The following NELL1 variants were observed in gnomAD, a reference collection of about 807,000 sequenced individuals.
NELL1 encodes the protein neural EGFL like 1, also known as protein kinase C-binding protein NELL1.
NELL1 carries 76 observed loss-of-function variants against 107.4 expected under a neutral mutation model. The ratio of observed to expected loss-of-function variants is 0.71; its 90% CI spans 0.59 to 0.86. NELL1 has a LOEUF of 0.86. NELL1 is among the 40% of genes least tolerant of loss of function. The pLI, the probability that NELL1 is intolerant of heterozygous loss-of-function variation, is 0.00. For synonymous variants in NELL1, 353 were observed against 341.2 expected, an observed-to-expected ratio of 1.03 and a Z score of -0.38; for missense variants, 1,024 against 1,005.5, an observed-to-expected ratio of 1.02 and a Z score of -0.25.
Position 20,783,676 on chromosome 11 carries a change from C to T in NELL1, c.185-4C>T. ...TTCCTCCTGCTTTTCTTCTTGATTC[C>T]TAGACATAGAAAGAGAGATCCATGC... On this transcript the variant is annotated splice_region_variant and splice_polypyrimidine_tract_variant and intron_variant, in intron 2 of 19. Coordinates refer to ENST00000357134, the MANE Select transcript of NELL1 (RefSeq NM_006157.5). 6.2e-7 allele frequency: 1 copy of T among 1,610,604 alleles called. No homozygotes were observed. The highest frequency in any genetic ancestry group is 8.5e-7 in the Non-Finnish European group (1 of 1,178,176).
At chr11:20,873,250 A>C (rs1267135428) in intron 4 of NELL1, among the ~76,000 whole-genome samples, 3 of 152,080 alleles carry the variant, frequency 2.0e-5, no homozygotes, top group Non-Finnish European at 4.4e-5. Flanking sequence ...ATGTAACCTC[A>C]ATGGCGCCAT....
intron 5 of NELL1, among the ~76,000 whole-genome samples, chr11:20,913,744 T>C (rs1172159944): frequency 1.3e-5 from 2 of 150,622 alleles, no homozygotes; most frequent in African/African-American, 4.9e-5. Context: ...CTCTGCACCT[T>C]AGGGATTTAT....
At chr11:21,393,869 T>C (rs1249812092) in intron 15 of NELL1, among the ~76,000 whole-genome samples, 2 of 151,668 alleles carry the variant, frequency 1.3e-5, no homozygotes, top group Non-Finnish European at 3.0e-5. Flanking sequence ...CAGGTACTTT[T>C]ATATCCTTTT....
At chr11:21,528,149 A>T (rs1855900040) in intron 15 of NELL1, among the ~76,000 whole-genome samples, 1 of 152,216 alleles carries the variant, frequency 6.6e-6, no homozygotes, top group Admixed American at 6.5e-5. Context: ...GGGGATTATA[A>T]GTTACAGAAC....
intron 14 of NELL1, 82 bp from the exon 15 acceptor site, chr11:21,370,771 A>C: frequency 9.6e-7 from 1 of 1,039,928 alleles, no homozygotes; most frequent in Admixed American, 2.1e-5. Flanking sequence ...CAAAGAAAGA[A>C]TTGCTTCAGT....
At chr11:21,447,757 T>G (rs1398341450) in intron 15 of NELL1, among the ~76,000 whole-genome samples, 1 of 152,120 alleles carries the variant, frequency 6.6e-6, no homozygotes, top group Non-Finnish European at 1.5e-5. Flanking sequence ...CTTGGGAGGT[T>G]GCATACCCCC....
Position 21,347,908 on chromosome 11 carries a change from G to A in NELL1, c.1550-22945G>A, listed in dbSNP as rs76850141. 9.0e-3 allele frequency among the ~76,000 whole-genome samples: 1,368 copies of A among 152,186 alleles called. 11 individuals are homozygous for A. Among genetic ancestry groups the A allele is most frequent in the Non-Finnish European group, 0.014 (945 of 68,012 alleles). ...ACCAAATTGTGTCCAGAAAAGGGGCGCATGTCTGATTTGAAGTAAGTAGTT... is the reference window on the plus strand; with the variant it reads ...ACCAAATTGTGTCCAGAAAAGGGGCACATGTCTGATTTGAAGTAAGTAGTT... On this transcript the variant is annotated intron_variant, in intron 14 of 19. Transcript: ENST00000357134.
chr11:20,905,205 GTC>G (rs1324688640), intron 5 of NELL1, among the ~76,000 whole-genome samples: 1 of 151,918 alleles, frequency 6.6e-6, no homozygotes, highest in African/African-American at 2.4e-5. Flanking sequence ...TAGAAATACA[GTC>G]TCTGCAAAAA....
At chr11:21,434,455 A>C (rs536083175) in intron 15 of NELL1, among the ~76,000 whole-genome samples, 8 of 152,044 alleles carry the variant, frequency 5.3e-5, no homozygotes, top group Non-Finnish European at 1.0e-4. Context: ...GGTGCCCTTT[A>C]CCCAATATAT....
At chr11:21,203,980 C>T (rs999688934) in intron 13 of NELL1, among the ~76,000 whole-genome samples, 2 of 152,208 alleles carry the variant, frequency 1.3e-5, no homozygotes, top group Non-Finnish European at 2.9e-5. Context: ...GAGAGATCCA[C>T]AGTTAGTCTG....
chr11:21,516,934 C>A (rs756256688), intron 15 of NELL1, among the ~76,000 whole-genome samples: 1 of 151,754 alleles, frequency 6.6e-6, no homozygotes, highest in Non-Finnish European at 1.5e-5. Flanking sequence ...CCTCCCAGGG[C>A]GCCCACCACC....
intron 12 of NELL1, among the ~76,000 whole-genome samples, chr11:21,101,239 T>C (rs1854802275): frequency 6.6e-6 from 1 of 152,180 alleles, no homozygotes; most frequent in South Asian, 2.1e-4. Context: ...AGTCTATCAT[T>C]GTTGGACATA....
rs1303891041 is a variant in NELL1 at position 20,746,012 on chromosome 11, C to T, written c.185-37668C>T. 2.0e-5 allele frequency among the ~76,000 whole-genome samples: 3 copies of T among 152,080 alleles called. No homozygotes were observed. The East Asian group carries it at 5.8e-4, about 29-fold the overall frequency. On this transcript the variant is annotated intron_variant, in intron 2 of 19. Coordinates refer to ENST00000357134, the MANE Select transcript of NELL1 (RefSeq NM_006157.5). ...AAGTCTGTTAACTCTAATTATTTAA[C>T]TAATAAGAAGATAGGTGAGCAAGGA...
intron 2 of NELL1, among the ~76,000 whole-genome samples, chr11:20,701,877 T>G (rs1167041875): frequency 6.6e-6 from 1 of 152,170 alleles, no homozygotes; most frequent in African/African-American, 2.4e-5. Flanking sequence ...TATCTCTGTT[T>G]TGGTACCAGT....
In NELL1 at chr11:21,496,567, C is replaced by G. The variant is rs78528010; in HGVS notation, c.1646-37807C>G. Among the ~76,000 whole-genome samples the G allele has an allele frequency of 0.016, 2,461 of 151,634 alleles. 198 individuals are homozygous for G. In the East Asian group the frequency reaches 0.27, roughly 16 times the overall value. On this transcript the variant is annotated intron_variant, in intron 15 of 19. Transcript: ENST00000357134. ...TGGGACTACAGGCGCGTGCCACCAC[C>G]CCCAGCTAATTTTTTGTATTTTTAG... is the stretch of plus-strand genomic sequence containing the variant.
chr11:20,670,278 G>A (rs1853867104), intron 1 of NELL1: 1 of 159,250 alleles, frequency 6.3e-6, no homozygotes. Flanking sequence ...AGAGAGCTGC[G>A]GGAGAACCCT....
chr11:21,319,590 C>T (rs1025134743), intron 14 of NELL1, among the ~76,000 whole-genome samples: 1 of 151,234 alleles, frequency 6.6e-6, no homozygotes, highest in African/African-American at 2.4e-5. Context: ...GATCTGCCCG[C>T]CTCTGCCTTT....
chr11:21,246,497 G>A (rs1858495505), intron 14 of NELL1, among the ~76,000 whole-genome samples: 1 of 152,084 alleles, frequency 6.6e-6, no homozygotes, highest in Admixed American at 6.5e-5. Context: ...TGAGAAATGT[G>A]TCCTTAGGCG....
intron 2 of NELL1, among the ~76,000 whole-genome samples, chr11:20,781,091 T>C (rs966413393): frequency 1.6e-4 from 24 of 152,032 alleles, no homozygotes; most frequent in African/African-American, 5.6e-4. Context: ...AAGGAGATCA[T>C]TGGAAGTGCC....
Sources: gnomAD v4.1 joint callset for allele counts (sites outside exome capture counted in the v4.1 genomes callset) on GRCh38, gnomAD v4.1.1 for gene constraint, MANE v1.5 for transcripts, NCBI Gene and HGNC (gene_info 2026-07-23, HGNC 2026-07-21) for gene names.